The following TBX5 variants were observed in gnomAD, a reference collection of about 807,000 sequenced individuals.
The protein encoded by TBX5 is T-box transcription factor 5.
TBX5 carries 8 observed loss-of-function variants against 51.1 expected under a neutral mutation model. That is an observed-to-expected ratio of 0.16 (90% CI 0.09 to 0.28). The LOEUF (loss-of-function observed/expected upper bound fraction) is 0.28. TBX5 is among the 10% of genes least tolerant of loss of function. The pLI is 1.00. For missense variants in TBX5, 589 were observed against 671.7 expected (o/e 0.88, Z 1.36); for synonymous variants, 302 against 266.4 (o/e 1.13, Z -1.30).
intron 8 of TBX5, among the ~76,000 whole-genome samples, chr12:114,356,428 A>T (rs1020963235): frequency 6.6e-6 from 1 of 152,136 alleles, no homozygotes; most frequent in African/African-American, 2.4e-5. Flanking sequence ...GAGCCCAGAA[A>T]CACTCAATAA....
chr12:114,399,772 G>C, intron 3 of TBX5, 140 bp from the exon 4 acceptor site: 1 of 1,379,020 alleles, frequency 7.3e-7, no homozygotes, highest in Non-Finnish European at 1.0e-6. Context: ...CTCTCCGCAA[G>C]ATCCATCCCG....
intron 6 of TBX5, among the ~76,000 whole-genome samples, chr12:114,389,931 C>T (rs79459357): frequency 0.058 from 8,809 of 151,804 alleles, 743 homozygotes; most frequent in East Asian, 0.45. Context: ...CCATGATGTC[C>T]ATGCTCCACC....
intron 8 of TBX5, among the ~76,000 whole-genome samples, chr12:114,358,731 A>T (rs549713700): frequency 3.9e-5 from 6 of 152,254 alleles, no homozygotes; most frequent in African/African-American, 1.4e-4. Context: ...AAACATCCAG[A>T]TGAATGAACG....
At chr12:114,358,166 T>A (rs1193438884) in intron 8 of TBX5, among the ~76,000 whole-genome samples, 1 of 152,230 alleles carries the variant, frequency 6.6e-6, no homozygotes, top group Admixed American at 6.5e-5. Flanking sequence ...TCTAGATTTC[T>A]AATACCCAGT....
intron 3 of TBX5, among the ~76,000 whole-genome samples, chr12:114,401,198 G>C (rs1871790648): frequency 6.6e-6 from 1 of 152,198 alleles, no homozygotes; most frequent in African/African-American, 2.4e-5. Context: ...GGGGAACTCC[G>C]GGGCGAGTGT....
intron 7 of TBX5, among the ~76,000 whole-genome samples, chr12:114,371,344 C>A (rs1253719977): frequency 1.3e-5 from 2 of 152,192 alleles, no homozygotes; most frequent in Admixed American, 6.5e-5. Flanking sequence ...AGACCAGCTT[C>A]TCCCCAGCTC....
intron 5 of TBX5, among the ~76,000 whole-genome samples, chr12:114,396,315 G>A (rs571922794): frequency 1.3e-5 from 2 of 152,096 alleles, no homozygotes; most frequent in South Asian, 4.1e-4. Context: ...CCCGCTGGCC[G>A]CCACAGTCCC....
chr12:114,374,662 T>C (rs1870096851), intron 7 of TBX5, among the ~76,000 whole-genome samples: 1 of 152,184 alleles, frequency 6.6e-6, no homozygotes, highest in South Asian at 2.1e-4. Flanking sequence ...GAATGTTCTA[T>C]ATTTGGATAG....
intron 5 of TBX5, among the ~76,000 whole-genome samples, chr12:114,396,270 C>T (rs1198319544): frequency 6.6e-6 from 1 of 150,760 alleles, no homozygotes; most frequent in African/African-American, 2.4e-5. Context: ...CGACGCCGAC[C>T]GGGGCGGCGT....
At chr12:114,380,933 A>T (rs2551395) in intron 7 of TBX5, among the ~76,000 whole-genome samples, 149,253 of 152,202 alleles carry the variant, frequency 0.98, 73,206 homozygotes, top group East Asian at 1. Flanking sequence ...TTTTTTTAAG[A>T]CACAGATTGA....
chr12:114,403,105 C>T (rs1257955971), intron 2 of TBX5, among the ~76,000 whole-genome samples: 2 of 152,264 alleles, frequency 1.3e-5, no homozygotes, highest in East Asian at 3.8e-4. Flanking sequence ...GGTGAGGCTC[C>T]TCCCTCTGCC....
intron 3 of TBX5, 47 bp from the exon 4 acceptor site, chr12:114,399,679 A>G (rs1180005858): frequency 6.2e-7 from 1 of 1,613,722 alleles, no homozygotes; most frequent in Non-Finnish European, 8.5e-7. Flanking sequence ...AATTAATGCC[A>G]GTATTTTAAG....
At chr12:114,405,027 T>C (rs1872114552) in intron 1 of TBX5, among the ~76,000 whole-genome samples, 1 of 152,186 alleles carries the variant, frequency 6.6e-6, no homozygotes, top group African/African-American at 2.4e-5. Context: ...CAATCTCTTC[T>C]ATACGCAAGT....
chr12:114,361,518 A>G (rs1565925895), intron 8 of TBX5, among the ~76,000 whole-genome samples: 1 of 152,152 alleles, frequency 6.6e-6, no homozygotes, highest in Non-Finnish European at 1.5e-5. Flanking sequence ...AGTGGCATTG[A>G]TAAAAGACCT....
intron 8 of TBX5, among the ~76,000 whole-genome samples, chr12:114,357,950 C>G (rs1012591503): frequency 2.6e-5 from 4 of 152,200 alleles, no homozygotes. Context: ...ATGATCAGAG[C>G]TATTATTTAT....
intron 2 of TBX5, among the ~76,000 whole-genome samples, chr12:114,402,870 A>G (rs1432557347): frequency 1.3e-5 from 2 of 152,194 alleles, no homozygotes; most frequent in African/African-American, 2.4e-5. Flanking sequence ...CTGCTTCTCT[A>G]CAAATATACA....
At chr12:114,380,115 A>C (rs1272675289) in intron 7 of TBX5, among the ~76,000 whole-genome samples, 2 of 152,060 alleles carry the variant, frequency 1.3e-5, no homozygotes, top group Non-Finnish European at 1.5e-5. Flanking sequence ...CAACAGATTC[A>C]GGTCCCATTC....
chr12:114,380,172 C>T (rs965989007), intron 7 of TBX5, among the ~76,000 whole-genome samples: 1 of 152,120 alleles, frequency 6.6e-6, no homozygotes, highest in African/African-American at 2.4e-5. Context: ...CTACTCTGCC[C>T]CAGTCCCAGC....
chr12:114,408,032 C>G (rs1204148643), upstream of TBX5: 3 of 985,304 alleles, frequency 3.0e-6, no homozygotes, highest in Non-Finnish European at 2.4e-6. Context: ...CAGGCATACC[C>G]CAGTAAAATA....
Sources: gnomAD v4.1 joint callset for allele counts (sites outside exome capture counted in the v4.1 genomes callset) on GRCh38, gnomAD v4.1.1 for gene constraint, MANE v1.5 for transcripts, NCBI Gene and HGNC (gene_info 2026-07-23, HGNC 2026-07-21) for gene names.